Variants in DIAPH3 observed in about 807,000 individuals in gnomAD.
DIAPH3 encodes protein diaphanous homolog 3.
A neutral mutation model predicts 144.3 loss-of-function variants in DIAPH3; 117 were observed. The ratio of observed to expected loss-of-function variants is 0.81; its 90% CI spans 0.70 to 0.95. The LOEUF is 0.95. DIAPH3 is among the 40% of genes least tolerant of loss of function. The probability of loss-of-function intolerance (pLI) is 0.00; values close to 1 mark genes in which losing one functional copy is unlikely to be tolerated. For missense variants in DIAPH3, 1,421 were observed against 1,412.7 expected (o/e 1.01, Z -0.09); for synonymous variants, 519 against 488.9 (o/e 1.06, Z -0.81).
chr13:60,072,928 C>T (rs1012465016), intron 4 of DIAPH3, among the ~76,000 whole-genome samples: 3 of 152,078 alleles, frequency 2.0e-5, no homozygotes, highest in African/African-American at 7.2e-5. Context: ...CAATAGTTAC[C>T]TCTGGGGGAG....
chr13:59,820,148 A>G (rs1167066273), intron 24 of DIAPH3, among the ~76,000 whole-genome samples: 1 of 151,994 alleles, frequency 6.6e-6, no homozygotes, highest in Non-Finnish European at 1.5e-5. Flanking sequence ...ATGCTGGCTT[A>G]TATCAATTAT....
intron 27 of DIAPH3, among the ~76,000 whole-genome samples, chr13:59,718,833 C>T (rs554854003): frequency 1.3e-5 from 2 of 152,010 alleles, no homozygotes; most frequent in East Asian, 3.9e-4. Context: ...TGGAGAATAT[C>T]TTTCTGTATA....
At chr13:59,673,132 A>G (rs2032466905) in intron 27 of DIAPH3, among the ~76,000 whole-genome samples, 1 of 152,204 alleles carries the variant, frequency 6.6e-6, no homozygotes, top group Non-Finnish European at 1.5e-5. Flanking sequence ...AACAACCAGG[A>G]TAGGTTCAGC....
intron 20 of DIAPH3, among the ~76,000 whole-genome samples, chr13:59,903,516 A>T (rs1247461892): frequency 1.3e-5 from 2 of 152,222 alleles, no homozygotes; most frequent in East Asian, 3.9e-4. Flanking sequence ...TGGCCTTCTG[A>T]GTTAAAAATC....
chr13:59,805,798 T>C (rs1033220499), intron 25 of DIAPH3, among the ~76,000 whole-genome samples: 2 of 152,020 alleles, frequency 1.3e-5, no homozygotes, highest in Non-Finnish European at 2.9e-5. Context: ...ATGCTTCATT[T>C]TTCTTCTTGG....
intron 27 of DIAPH3, among the ~76,000 whole-genome samples, chr13:59,700,393 T>C (rs1013178922): frequency 6.6e-6 from 1 of 152,212 alleles, no homozygotes; most frequent in Admixed American, 6.5e-5. Flanking sequence ...CACTAATTCC[T>C]TTATTAGGCC....
chr13:59,885,089 T>A (rs1011710185), intron 20 of DIAPH3, among the ~76,000 whole-genome samples: 1 of 152,106 alleles, frequency 6.6e-6, no homozygotes, highest in Non-Finnish European at 1.5e-5. Context: ...CCTTATCAAT[T>A]CTGGATCACT....
At chr13:59,895,746 G>A (rs1224236356) in intron 20 of DIAPH3, among the ~76,000 whole-genome samples, 1 of 152,166 alleles carries the variant, frequency 6.6e-6, no homozygotes, top group Non-Finnish European at 1.5e-5. Context: ...CTGTTAAGCT[G>A]AGGACAGAAA....
Position 59,911,718 on chromosome 13 carries a change from T to G in DIAPH3, c.2367+17A>C. The G allele has an allele frequency of 1.9e-6, 3 of 1,596,866 alleles. No homozygotes were observed. The highest frequency in any genetic ancestry group is 2.6e-6 in the Non-Finnish European group (3 of 1,164,546). On this transcript the variant is annotated intron_variant, in intron 20 of 27. Coordinates refer to ENST00000400324, the MANE Select transcript of DIAPH3 (RefSeq NM_001042517.2). ...TTTGGCACAGTATAAAAATCCTCTC[T>G]GAGACTCGGTACTTACCACAACCAC... is the stretch of plus-strand genomic sequence containing the variant.
At chr13:59,705,018 A>C (rs2034335900) in intron 27 of DIAPH3, among the ~76,000 whole-genome samples, 1 of 152,186 alleles carries the variant, frequency 6.6e-6, no homozygotes, top group African/African-American at 2.4e-5. Flanking sequence ...ACCTGAATGA[A>C]AGTGATTATT....
At chr13:59,847,835 A>G (rs2042733577) in intron 22 of DIAPH3, among the ~76,000 whole-genome samples, 1 of 152,142 alleles carries the variant, frequency 6.6e-6, no homozygotes, top group East Asian at 1.9e-4. Context: ...AAAAAGTCCA[A>G]ATTTTTTCTC....
At chr13:59,939,080 AT>A (rs1220586027) in intron 17 of DIAPH3, among the ~76,000 whole-genome samples, 1 of 152,166 alleles carries the variant, frequency 6.6e-6, no homozygotes, top group Non-Finnish European at 1.5e-5. Flanking sequence ...TGTAGTTAAA[AT>A]TTTGCTTTGT....
intron 27 of DIAPH3, among the ~76,000 whole-genome samples, chr13:59,742,133 T>C (rs1255858107): frequency 6.6e-6 from 1 of 152,126 alleles, no homozygotes; most frequent in Non-Finnish European, 1.5e-5. Flanking sequence ...TGAGACTTAT[T>C]CACTATCATG....
chr13:60,094,149 A>G (rs915542507), intron 3 of DIAPH3, among the ~76,000 whole-genome samples: 5 of 152,222 alleles, frequency 3.3e-5, no homozygotes, highest in African/African-American at 1.2e-4. Flanking sequence ...TAAAAGGTAA[A>G]TAAACCAACC....
intron 4 of DIAPH3, among the ~76,000 whole-genome samples, chr13:60,083,112 G>A (rs913423480): frequency 6.6e-6 from 1 of 151,984 alleles, no homozygotes; most frequent in African/African-American, 2.4e-5. Flanking sequence ...TTCTAGAGGA[G>A]GAGCTTGATC....
At chr13:59,693,201 G>A (rs1566185841) in intron 27 of DIAPH3, among the ~76,000 whole-genome samples, 1 of 152,178 alleles carries the variant, frequency 6.6e-6, no homozygotes, top group Non-Finnish European at 1.5e-5. Flanking sequence ...GGAAAGTAGT[G>A]ACCAAAGAGA....
chr13:60,046,386 T>C (rs955286492), intron 4 of DIAPH3, among the ~76,000 whole-genome samples: 9 of 152,346 alleles, frequency 5.9e-5, no homozygotes, highest in Admixed American at 3.9e-4. Flanking sequence ...TCATCATCAC[T>C]GGTCATTAGA....
intron 23 of DIAPH3, chr13:59,838,916 C>G (rs2042183790): frequency 5.7e-6 from 1 of 173,994 alleles, no homozygotes; most frequent in Admixed American, 5.6e-5. Context: ...CGATACCAGT[C>G]TGGCGAATAT....
intron 22 of DIAPH3, among the ~76,000 whole-genome samples, chr13:59,849,801 GCT>G (rs1713016662): frequency 1.8e-5 from 2 of 109,896 alleles, no homozygotes; most frequent in South Asian, 3.6e-4. Context: ...GGCGATGCGG[GCT>G]CTTTTTTGGT....
Sources: gnomAD v4.1 joint callset for allele counts (sites outside exome capture counted in the v4.1 genomes callset) on GRCh38, gnomAD v4.1.1 for gene constraint, MANE v1.5 for transcripts, NCBI Gene and HGNC (gene_info 2026-07-23, HGNC 2026-07-21) for gene names.